RBM23: variants seen among roughly 807,000 people sequenced by gnomAD.
RBM23 encodes the protein RNA binding motif protein 23, also known as probable RNA-binding protein 23.
RBM23 carries 53 observed loss-of-function variants against 56.2 expected under a neutral mutation model. The ratio of observed to expected loss-of-function variants is 0.94; its 90% CI spans 0.76 to 1.19. The LOEUF (loss-of-function observed/expected upper bound fraction) is 1.19. Among genes scored for constraint, RBM23 ranks in the 50% most tolerant of loss-of-function variants. RBM23 has a pLI of 0.00. For synonymous variants in RBM23, 197 were observed against 198.5 expected, an observed-to-expected ratio of 0.99 and a Z score of 0.06; for missense variants, 642 against 590.3, an observed-to-expected ratio of 1.09 and a Z score of -0.91.
chr14:22,916,440 C>CTTT (rs11382593), intron 1 of RBM23, among the ~76,000 whole-genome samples: 1 of 142,190 alleles, frequency 7.0e-6, no homozygotes, highest in Non-Finnish European at 1.5e-5. Context: ...ATATTTTGGG[C>CTTT]TTTTTTTTTT....
At chr14:22,918,166 G>C (rs1411351878) in intron 1 of RBM23, among the ~76,000 whole-genome samples, 1 of 152,052 alleles carries the variant, frequency 6.6e-6, no homozygotes, top group Non-Finnish European at 1.5e-5. Flanking sequence ...AGGCCGAGGC[G>C]GGTGGATCAC....
chr14:22,918,941 T>TA (rs1397880457), intron 1 of RBM23, 58 bp downstream of exon 1: 4 of 152,138 alleles, frequency 2.6e-5, no homozygotes, highest in African/African-American at 9.7e-5. Flanking sequence ...GGAGGCGCCG[T>TA]GCAGCAACGT....
chr14:22,917,056 C>CG (rs1209957560), intron 1 of RBM23: 1 of 151,974 alleles, frequency 6.6e-6, no homozygotes, highest in East Asian at 1.9e-4. Context: ...TTAGCAGAGA[C>CG]GGGGTTTCTC....
At position 22,898,464 on chromosome 14, in the gene RBM23, G is replaced by GC. The variant is rs2040283247; in HGVS notation, c.*3265dup. On this transcript the variant is annotated 3_prime_UTR_variant, in exon 14 of 14. Transcript: ENST00000359890. ...GGAAGTTTCTTTTACCTTAAGCTGG[G>GC]CCCAGAGTCTGTTCACAGCCCGCTT... is the stretch of plus-strand genomic sequence containing the variant. 1 of 152,056 alleles carries GC rather than the reference G, an allele frequency of 6.6e-6. No individual in the cohort carries two copies. The highest frequency in any genetic ancestry group is 2.4e-5 in the African/African-American group (1 of 41,354). The allele number at this position is 152,056 out of a possible 1,614,324, so 9.4% of individuals were successfully genotyped here.
intron 8 of RBM23, 34 bp from the exon 9 acceptor site, chr14:22,905,046 C>A: frequency 1.2e-6 from 2 of 1,614,094 alleles, no homozygotes; most frequent in Non-Finnish European, 1.7e-6. Context: ...TCATGTCCCA[C>A]ATTCCCTCTC....
chr14:22,903,794 T>A (rs1167223165), intron 10 of RBM23: 29 of 1,012,072 alleles, frequency 2.9e-5, no homozygotes, highest in Non-Finnish European at 3.3e-5. Context: ...GGCCTCACTA[T>A]TCTCCCCATA....
chr14:22,908,436 G>C (rs1261337443), intron 3 of RBM23, 56 bp from the exon 4 acceptor site: 5 of 1,523,716 alleles, frequency 3.3e-6, no homozygotes, highest in Non-Finnish European at 4.4e-6. Flanking sequence ...AAAGAATCTC[G>C]CTCTGTCGTG....
rs958748122 is a variant in RBM23, at chr14:22,908,328, C to G, written c.227+5G>C. 13 of 1,549,762 alleles carry G rather than the reference C, an allele frequency of 8.4e-6. No individual in the cohort carries two copies. The Admixed American group carries it at 2.4e-4, about 28-fold the overall frequency. ...AGCCACTGTGCCTGGCCCAGAATTA[C>G]TGACCTGCGCTTTCTATCCCTGCTT... On this transcript the variant is annotated splice_donor_5th_base_variant and intron_variant, in intron 4 of 13. Coordinates refer to ENST00000359890, the MANE Select transcript of RBM23 (RefSeq NM_001077351.2).
chr14:22,901,688 A>G lies in RBM23; in HGVS notation c.*42T>C, dbSNP rs777395506. 1.9e-6 allele frequency: 3 copies of G among 1,604,846 alleles called. No homozygotes were observed. Among genetic ancestry groups the G allele is most frequent in the Middle Eastern group, 3.3e-4 (2 of 6,050 alleles). ...CATGGAAGAGTAGATGTGAAGTGGC[A>G]GGATCCAGAGGCACAAGGAGGCAGT... On this transcript the variant is annotated 3_prime_UTR_variant, in exon 14 of 14. Coordinates refer to ENST00000359890, the MANE Select transcript of RBM23 (RefSeq NM_001077351.2).
chr14:22,910,367 C>T (rs1472458346), intron 2 of RBM23, among the ~76,000 whole-genome samples: 11 of 139,648 alleles, frequency 7.9e-5, no homozygotes, highest in African/African-American at 2.7e-4. Context: ...GCAGGAGAAT[C>T]GCCTGAACCC....
rs2040223680 is a variant in RBM23, at chr14:22,894,899, G to C, written c.*6831C>G. The C allele has an allele frequency of 6.6e-6, 1 of 152,034 alleles. No individual in the cohort carries two copies. The highest frequency in any genetic ancestry group is 1.5e-5 in the Non-Finnish European group (1 of 68,052). The allele number at this position is 152,034 out of a possible 1,614,324, so 9.4% of individuals were successfully genotyped here. ...CTAAAAAATACAAAAAATTAGCCGG[G>C]CATAGTGGCAGGTGCCTGTAGTCCC... On this transcript the variant is annotated 3_prime_UTR_variant, in exon 14 of 14. Transcript: ENST00000359890.
intron 2 of RBM23, among the ~76,000 whole-genome samples, chr14:22,910,433 T>C (rs564375255): frequency 3.9e-4 from 38 of 98,368 alleles, no homozygotes; most frequent in Non-Finnish European, 1.3e-4. Flanking sequence ...GCCTGGGCAA[T>C]GAGTGAAACT....
chr14:22,909,757 A>C (rs1043090599), intron 2 of RBM23, among the ~76,000 whole-genome samples, 162 bp from the exon 3 acceptor site: 5 of 152,188 alleles, frequency 3.3e-5, no homozygotes, highest in African/African-American at 1.2e-4. Flanking sequence ...TAAGAAAGGA[A>C]TCAAGGAAAC....
chr14:22,907,097 C>G (rs2041702298), intron 4 of RBM23, among the ~76,000 whole-genome samples: 1 of 152,164 alleles, frequency 6.6e-6, no homozygotes, highest in Non-Finnish European at 1.5e-5. Flanking sequence ...CTTCTTAAAC[C>G]TGGGAGGCGG....
intron 1 of RBM23, among the ~76,000 whole-genome samples, chr14:22,912,468 T>C (rs927510295): frequency 6.6e-6 from 1 of 152,154 alleles, no homozygotes; most frequent in African/African-American, 2.4e-5. Flanking sequence ...TCCCCAAGCT[T>C]TCACATCTAG....
chr14:22,902,195 A>C lies in RBM23; in HGVS notation c.1118T>G (p.Leu373Arg). 6.2e-7 allele frequency: 1 copy of C among 1,613,678 alleles called. No homozygotes were observed. The highest frequency in any genetic ancestry group is 8.5e-7 in the Non-Finnish European group (1 of 1,179,542). Residue 373 changes from leucine (L) to arginine (R), a missense_variant, in exon 11 of 14, where the codon CTG (leucine) becomes CGG (arginine). By Grantham distance (102) the Leu-to-Arg change is moderately radical. Coordinates refer to ENST00000359890, the MANE Select transcript of RBM23 (RefSeq NM_001077351.2). ...TTGCGGAGATATTTTACCTTCTGCC[A>C]GTTTTGCCATGAGCTGAAAACGTCC... ...AGGRFQLMAK[L>R]AEGAGIQLPS...
At chr14:22,912,748 G>T (rs2042747444) in intron 1 of RBM23, among the ~76,000 whole-genome samples, 1 of 151,944 alleles carries the variant, frequency 6.6e-6, no homozygotes, top group Non-Finnish European at 1.5e-5. Flanking sequence ...CCAGCACTTT[G>T]GGAGGCCGAG....
At chr14:22,909,431 A>G (rs1035865609) in intron 3 of RBM23, 52 bp downstream of exon 3, 2 of 1,456,108 alleles carry the variant, frequency 1.4e-6, no homozygotes, top group Non-Finnish European at 1.9e-6. Flanking sequence ...CCAATGGACA[A>G]AACTGTTTCC....
rs371914903 is a variant in RBM23, at chr14:22,902,247, G to C, written c.1066C>G (p.Gln356Glu). 27 of 1,614,062 alleles carry C rather than the reference G, an allele frequency of 1.7e-5. No individual in the cohort carries two copies. In the African/African-American group the frequency reaches 3.5e-4, roughly 21 times the overall value. The change falls in exon 11 of 14, where the codon CAG becomes GAG. Residue 356 changes from glutamine to glutamate, a missense_variant. Coordinates refer to ENST00000359890, the MANE Select transcript of RBM23 (RefSeq NM_001077351.2). Reference sequence around the variant, plus strand: ...CCTGCTGATCCCAGATCCAGCTCCTGGTCCCCATCAGGAAAAGTGATGTCT... The same window carrying C: ...CCTGCTGATCCCAGATCCAGCTCCTCGTCCCCATCAGGAAAAGTGATGTCT... ...GTDITFPDGD[Q>E]ELDLGSAGGR...
Sources: gnomAD v4.1 joint callset for allele counts (sites outside exome capture counted in the v4.1 genomes callset) on GRCh38, gnomAD v4.1.1 for gene constraint, MANE v1.5 for transcripts, NCBI Gene and HGNC (gene_info 2026-07-23, HGNC 2026-07-21) for gene names.